The following DLG2 variants were observed in gnomAD, a reference collection of about 807,000 sequenced individuals.
The protein encoded by DLG2 is discs large MAGUK scaffold protein 2, also known as disks large homolog 2.
In DLG2, 45 loss-of-function variants were observed where a neutral mutation model predicts 132.5. The observed-to-expected ratio is 0.34, with a 90% confidence interval of 0.27 to 0.44. DLG2 has a LOEUF of 0.44. DLG2 is among the 20% of genes least tolerant of loss of function. DLG2 has a pLI of 1.00. For missense variants in DLG2, 1,045 were observed against 1,196.9 expected (o/e 0.87, Z 1.87); for synonymous variants, 424 against 419.6 (o/e 1.01, Z -0.13).
intron 3 of DLG2, among the ~76,000 whole-genome samples, chr11:85,449,208 T>A (rs1251171197): frequency 6.6e-6 from 1 of 152,166 alleles, no homozygotes; most frequent in Non-Finnish European, 1.5e-5. Context: ...GAGAATTATG[T>A]CTTCCATCAA....
At chr11:85,340,457 G>A (rs959199630) in intron 3 of DLG2, among the ~76,000 whole-genome samples, 67 of 152,222 alleles carry the variant, frequency 4.4e-4, no homozygotes, top group African/African-American at 1.6e-3. Flanking sequence ...CTTGGACACA[G>A]GGCAGGGAAC....
At chr11:83,627,056 CTG>C (rs2062660363) in intron 19 of DLG2, among the ~76,000 whole-genome samples, 1 of 152,138 alleles carries the variant, frequency 6.6e-6, no homozygotes, top group Non-Finnish European at 1.5e-5. Flanking sequence ...TGTGGTCTCT[CTG>C]TCTGACAGGG....
rs913236079 is a variant in DLG2, at chr11:83,457,846, A to C, written c.*1972T>G. ...TCTCTGGAAATTTAACTTTCATGAG[A>C]GGGAGAATGCATTGCTAGCCCTTCC... On this transcript the variant is annotated 3_prime_UTR_variant, in exon 28 of 28. Coordinates refer to ENST00000376104, the MANE Select transcript of DLG2 (RefSeq NM_001142699.3). The C allele has an allele frequency of 2.6e-5, 4 of 152,738 alleles. No individual in the cohort carries two copies. In the East Asian group the frequency reaches 7.7e-4, roughly 29 times the overall value. The allele number at this position is 152,738 out of a possible 1,614,324, so 9.5% of individuals were successfully genotyped here.
At chr11:85,370,672 A>C (rs146664189) in intron 3 of DLG2, among the ~76,000 whole-genome samples, 5 of 152,148 alleles carry the variant, frequency 3.3e-5, no homozygotes, top group Admixed American at 6.5e-5. Flanking sequence ...TTACACCTCA[A>C]ACATTTAACA....
At chr11:83,801,936 C>A (rs1056061567) in intron 17 of DLG2, among the ~76,000 whole-genome samples, 6 of 152,092 alleles carry the variant, frequency 3.9e-5, no homozygotes, top group Admixed American at 2.0e-4. Context: ...ATTTGACAAC[C>A]AGTTACTGTG....
chr11:85,580,381 T>A (rs1325916494), intron 3 of DLG2, among the ~76,000 whole-genome samples: 1 of 152,134 alleles, frequency 6.6e-6, no homozygotes, highest in Non-Finnish European at 1.5e-5. Flanking sequence ...TTCTCTTTCT[T>A]CCCACTCACT....
intron 9 of DLG2, among the ~76,000 whole-genome samples, chr11:84,148,366 C>A (rs970455482): frequency 5.4e-4 from 82 of 151,988 alleles, no homozygotes; most frequent in African/African-American, 1.9e-3. Flanking sequence ...GGCCTTGCAA[C>A]CTTCCCTCCT....
chr11:85,275,853 G>A (rs1255350397), intron 4 of DLG2, among the ~76,000 whole-genome samples: 1 of 151,982 alleles, frequency 6.6e-6, no homozygotes, highest in African/African-American at 2.4e-5. Context: ...TTGTAGGGGA[G>A]TTCTATCATG....
chr11:85,537,333 CAGGCT>C (rs1345801602), intron 3 of DLG2, among the ~76,000 whole-genome samples: 1 of 152,210 alleles, frequency 6.6e-6, no homozygotes, highest in Non-Finnish European at 1.5e-5. Flanking sequence ...GGTCACTTTC[CAGGCT>C]GTGGAACCTT....
chr11:84,654,310 G>T (rs2099685573), intron 6 of DLG2, among the ~76,000 whole-genome samples: 1 of 152,110 alleles, frequency 6.6e-6, no homozygotes, highest in Non-Finnish European at 1.5e-5. Flanking sequence ...CTCTGTGAGG[G>T]CAGGGGCTAT....
chr11:83,696,779 T>C (rs1207418753), intron 18 of DLG2, among the ~76,000 whole-genome samples: 1 of 152,100 alleles, frequency 6.6e-6, no homozygotes, highest in Admixed American at 6.5e-5. Flanking sequence ...AACAGAGAAA[T>C]AGGACATGGT....
At chr11:85,580,115 G>C (rs919026280) in intron 3 of DLG2, among the ~76,000 whole-genome samples, 2 of 152,226 alleles carry the variant, frequency 1.3e-5, no homozygotes, top group African/African-American at 2.4e-5. Flanking sequence ...CTCTCTCTTT[G>C]CCTGCCACCA....
intron 3 of DLG2, among the ~76,000 whole-genome samples, chr11:85,550,203 G>A (rs575281683): frequency 2.6e-5 from 4 of 152,314 alleles, no homozygotes; most frequent in East Asian, 1.9e-4. Flanking sequence ...ACAAAAGGAC[G>A]TCATACTGGC....
chr11:85,197,371 C>T (rs553973909), intron 4 of DLG2, among the ~76,000 whole-genome samples: 1 of 152,130 alleles, frequency 6.6e-6, no homozygotes, highest in Admixed American at 6.5e-5. Flanking sequence ...TTTATAGATA[C>T]AGAAAACTTT....
At chr11:85,515,828 C>T (rs1004384168) in intron 3 of DLG2, among the ~76,000 whole-genome samples, 2 of 151,942 alleles carry the variant, frequency 1.3e-5, no homozygotes, top group African/African-American at 4.8e-5. Flanking sequence ...ATTTGAAGAT[C>T]TGGTTTGTGA....
chr11:83,514,187 T>C (rs887469193), intron 21 of DLG2, among the ~76,000 whole-genome samples: 2 of 152,248 alleles, frequency 1.3e-5, no homozygotes, highest in Non-Finnish European at 2.9e-5. Context: ...CATTTGTCTG[T>C]ATCCTCTTTT....
At chr11:85,046,865 C>T (rs554330869) in intron 6 of DLG2, among the ~76,000 whole-genome samples, 1 of 151,914 alleles carries the variant, frequency 6.6e-6, no homozygotes, top group Admixed American at 6.6e-5. Flanking sequence ...TGCACGTCAT[C>T]TCCTTTTCTT....
chr11:83,846,940 CCAAAAA>C (rs1565319535), intron 16 of DLG2, among the ~76,000 whole-genome samples: 11 of 58,142 alleles, frequency 1.9e-4, no homozygotes, highest in Admixed American at 4.6e-4. Context: ...ATCTCCCAAG[CCAAAAA>C]AAAAAAAAAA....
intron 3 of DLG2, among the ~76,000 whole-genome samples, chr11:85,420,777 C>A (rs1485869657): frequency 1.3e-5 from 2 of 152,140 alleles, no homozygotes; most frequent in Non-Finnish European, 2.9e-5. Context: ...ATGGTGGATG[C>A]CCCTCCCCCC....
Sources: gnomAD v4.1 joint callset for allele counts (sites outside exome capture counted in the v4.1 genomes callset) on GRCh38, gnomAD v4.1.1 for gene constraint, MANE v1.5 for transcripts, NCBI Gene and HGNC (gene_info 2026-07-23, HGNC 2026-07-21) for gene names.